Variants in NPHS1 observed in about 807,000 individuals in gnomAD.
NPHS1 encodes the protein nephrin.
A neutral mutation model predicts 139.7 loss-of-function variants in NPHS1; 107 were observed. The observed-to-expected ratio is 0.77, with a 90% CI of 0.66 to 0.90. The LOEUF is 0.90. Among genes scored for constraint, NPHS1 ranks in the 40% least tolerant of loss-of-function variants. The probability of loss-of-function intolerance (pLI) is 0.00; values close to 1 mark genes in which losing one functional copy is unlikely to be tolerated. For synonymous variants in NPHS1, 707 were observed against 706.6 expected, an observed-to-expected ratio of 1.00 and a Z score of -0.01; for missense variants, 1,580 against 1,654.2, an observed-to-expected ratio of 0.96 and a Z score of 0.78.
intron 20 of NPHS1, among the ~76,000 whole-genome samples, chr19:35,841,493 CT>C (rs1420937725): frequency 4.6e-5 from 7 of 152,298 alleles, no homozygotes; most frequent in African/African-American, 1.7e-4. Context: ...CAAGTACCCC[CT>C]CTCCATCTTT....
chr19:35,849,610 C>T lies in NPHS1; in HGVS notation c.652G>A (p.Glu218Lys). The change falls in exon 6 of 29, where the codon GAG becomes AAG. Residue 218 changes from glutamate to lysine, a missense_variant. Physicochemically the swap from Glu to Lys is moderately conservative, Grantham distance 56. Transcript: ENST00000378910. ...GCCTCCAGTGCTGGGCTAGACGCCT[C>T]ACAGACCAGCAACTGCCTATTATCT... ...SSDNRQLLVC[E>K]ASSPALEAPI... 6.2e-7 allele frequency: 1 copy of T among 1,614,134 alleles called. No homozygotes were observed. Among genetic ancestry groups the T allele is most frequent in the Non-Finnish European group, 8.5e-7 (1 of 1,180,010 alleles).
chr19:35,845,508 G>A lies in NPHS1; in HGVS notation c.1790C>T (p.Ala597Val), dbSNP rs548304892. 2 of 1,611,344 alleles carry A rather than the reference G, an allele frequency of 1.2e-6. No homozygotes were observed. Among genetic ancestry groups the A allele is most frequent in the Non-Finnish European group, 1.7e-6 (2 of 1,179,104 alleles). The change falls in exon 14 of 29, where the codon GCC becomes GTC. Residue 597 changes from alanine to valine, a missense_variant. Physicochemically the swap from Ala to Val is moderately conservative, Grantham distance 64. Coordinates refer to ENST00000378910, the MANE Select transcript of NPHS1 (RefSeq NM_004646.4). The surrounding 1 kb of genome is among the most constrained non-coding windows in gnomAD (Gnocchi z 5.5). ...LEGVAAPPRRAPFKGSAAARS... is the reference protein window; with the variant it reads ...LEGVAAPPRRVPFKGSAAARS... ...GGCGGCGGCGGAGCCTTTGAATGGG[G>A]CTCTCCGGGGTGGGGCGGCCACGCC...
rs150180768 is a variant in NPHS1 at position 35,851,821 on chromosome 19, G to A, written c.17C>T (p.Thr6Met). The A allele has an allele frequency of 2.7e-5, 42 of 1,552,062 alleles. No homozygotes were observed. The Admixed American group carries it at 2.7e-4, about 10-fold the overall frequency. ...CAGGAGCAGGAGAGAAGCCCTGAGC[G>A]TCGTCCCCAGGGCCATCACAGGTCC... MALGT[T>M]LRASLLLLGL... Residue 6 changes from threonine to methionine, a missense_variant, in exon 1 of 29, where the codon ACG becomes ATG. Thr to Met is a moderately conservative substitution (Grantham distance 81). Coordinates refer to ENST00000378910, the MANE Select transcript of NPHS1 (RefSeq NM_004646.4).
intron 6 of NPHS1, 57 bp downstream of exon 6, chr19:35,849,492 AC>A (rs1973197042): frequency 1.3e-6 from 2 of 1,591,836 alleles, no homozygotes; most frequent in Non-Finnish European, 8.6e-7. Flanking sequence ...ATCCCCCCAC[AC>A]CCCCCAGTGC....
At chr19:35,844,279 T>A in intron 15 of NPHS1, 36 bp from the exon 16 acceptor site, 1 of 1,613,684 alleles carries the variant, frequency 6.2e-7, no homozygotes, top group Admixed American at 1.7e-5. Context: ...TGGCAGGACC[T>A]CCCATCCCCG....
chr19:35,844,884 G>A (rs2146822774), intron 14 of NPHS1, among the ~76,000 whole-genome samples: 1 of 152,106 alleles, frequency 6.6e-6, no homozygotes, highest in African/African-American at 2.4e-5. Flanking sequence ...CAGCACTTTG[G>A]GAGGCCAAGG....
chr19:35,850,425 T>A lies in NPHS1; in HGVS notation c.547A>T (p.Ile183Phe). The A allele has an allele frequency of 6.2e-7, 1 of 1,614,048 alleles. No homozygotes were observed. Among genetic ancestry groups the A allele is most frequent in the Non-Finnish European group, 8.5e-7 (1 of 1,179,966 alleles). The change falls in exon 5 of 29, where the codon ATC becomes TTC. Residue 183 changes from isoleucine to phenylalanine, a missense_variant. Coordinates refer to ENST00000378910, the MANE Select transcript of NPHS1 (RefSeq NM_004646.4). ...ILLSGQTISDISANVNEGSQQ... is the reference protein window; with the variant it reads ...ILLSGQTISDFSANVNEGSQQ... ...GAGCCCTCGTTCACGTTTGCAGAGA[T>A]GTCAGATATTGTCTGTCCACCTTGG... is the stretch of plus-strand genomic sequence containing the variant.
In NPHS1 at chr19:35,845,091, G is replaced by C. The variant is rs1229843303; in HGVS notation, c.1930+277C>G. Among the ~76,000 whole-genome samples the C allele has an allele frequency of 2.0e-5, 3 of 152,190 alleles. No individual in the cohort carries two copies. Among genetic ancestry groups the C allele is most frequent in the South Asian group, 2.1e-4 (1 of 4,834 alleles). ...AAGACCAGCCTGGGCAACATAGTGA[G>C]ACCCCGTTGCTACAAAAAGTAAAAA... On this transcript the variant is annotated intron_variant, in intron 14 of 28. Transcript: ENST00000378910. The surrounding 1 kb of genome is among the most constrained non-coding windows in gnomAD (Gnocchi z 5.5).
rs1387669053 is a variant in NPHS1 at position 35,848,380 on chromosome 19, G to A, written c.1188C>T (p.His396=). Reference sequence around the variant, plus strand: ...GGAATGTCAGGTTGGACATGGAGATGTGACCGCCATGCAGTCCCTGGCAGG... The same window carrying A: ...GGAATGTCAGGTTGGACATGGAGATATGACCGCCATGCAGTCCCTGGCAGG... ...ETVMDGLHGG[H]ISMSNLTFLA... is the part of the protein sequence containing the mutation. The change falls in exon 10 of 29, where the codon CAC becomes CAT. Residue 396 remains histidine, a synonymous_variant. Coordinates refer to ENST00000378910, the MANE Select transcript of NPHS1 (RefSeq NM_004646.4). 1.9e-6 allele frequency: 3 copies of A among 1,614,174 alleles called. No individual in the cohort carries two copies. Among genetic ancestry groups the A allele is most frequent in the South Asian group, 2.2e-5 (2 of 91,086 alleles).
rs770291189 is a variant in NPHS1, at chr19:35,851,643, C to T, written c.88G>A (p.Val30Ile). Residue 30 changes from valine to isoleucine, a missense_variant, in exon 2 of 29, where the codon GTT becomes ATT. Val to Ile is a conservative substitution (Grantham distance 29). Transcript: ENST00000378910. ...GGCAGGGCCCAGAAGCCCCGGGGAACGGAGGCAGGAATCGCCAACTGCGCC... is the reference window on the plus strand; with the variant it reads ...GGCAGGGCCCAGAAGCCCCGGGGAATGGAGGCAGGAATCGCCAACTGCGCC... ...GLAQLAIPAS[V>I]PRGFWALPEN... is the part of the protein sequence containing the mutation. 1.6e-5 allele frequency: 26 copies of T among 1,613,652 alleles called. No homozygotes were observed. Among genetic ancestry groups the T allele is most frequent in the South Asian group, 4.4e-5 (4 of 90,992 alleles).
chr19:35,837,649 C>A (rs1292890903), intron 22 of NPHS1, among the ~76,000 whole-genome samples: 2 of 151,838 alleles, frequency 1.3e-5, no homozygotes, highest in Non-Finnish European at 2.9e-5. Context: ...GTTGCCCAGG[C>A]TGGAGTACAA....
In NPHS1 at chr19:35,848,996, C is replaced by T. The variant is rs1973187400; in HGVS notation, c.992G>A (p.Gly331Asp). 10 of 1,611,952 alleles carry T rather than the reference C, an allele frequency of 6.2e-6. No individual in the cohort carries two copies. The highest frequency in any genetic ancestry group is 7.6e-6 in the Non-Finnish European group (9 of 1,180,034). ...NSVSAGTQEH[G>D]ITLQVTFPPS... ...CTCACAGGTGACCTGCAGTGTGATG[C>T]CGTGCTCCTGGGTCCCTGCAGACAC... Residue 331 changes from glycine (G) to aspartate (D), a missense_variant, in exon 8 of 29, where the codon GGC becomes GAC. Coordinates refer to ENST00000378910, the MANE Select transcript of NPHS1 (RefSeq NM_004646.4).
At chr19:35,826,689 G>A (rs1972805170) in intron 28 of NPHS1, 44 bp from the exon 29 acceptor site, 1 of 1,611,682 alleles carries the variant, frequency 6.2e-7, no homozygotes, top group African/African-American at 1.3e-5. Context: ...GAGATGCCCT[G>A]TAGGTCTTCA....
chr19:35,840,301 G>A (rs1279519069), intron 20 of NPHS1, among the ~76,000 whole-genome samples: 6 of 151,244 alleles, frequency 4.0e-5, no homozygotes, highest in Admixed American at 1.3e-4. Flanking sequence ...CACCGCGCCT[G>A]GCATGGTTAG....
At position 35,849,154 on chromosome 19, in the gene NPHS1, A is replaced by T; in HGVS notation, c.841-7T>A. ...TGGACACCGGCTGGCCATTCTGGAG[A>T]CAGGGACAGGCCTGGGCCAGCTCAG... is the stretch of plus-strand genomic sequence containing the variant. On this transcript the variant is annotated splice_region_variant and splice_polypyrimidine_tract_variant and intron_variant, in intron 7 of 28. Transcript: ENST00000378910. The T allele has an allele frequency of 1.2e-6, 2 of 1,611,282 alleles. No homozygotes were observed. Among genetic ancestry groups the T allele is most frequent in the Non-Finnish European group, 1.7e-6 (2 of 1,180,004 alleles).
Position 35,848,420 on chromosome 19 carries a change from C to T in NPHS1, c.1171-23G>A, listed in dbSNP as rs773004829. The stretch of plus-strand genomic sequence containing the variant: ...TCCCTGGCAGGGAGTGAGCTTCAGA[C>T]GTGGGGACTGCAGCACCCCTATCCA... On this transcript the variant is annotated intron_variant, in intron 9 of 28. Coordinates refer to ENST00000378910, the MANE Select transcript of NPHS1 (RefSeq NM_004646.4). 1.4e-5 allele frequency: 23 copies of T among 1,613,954 alleles called. 1 individual carries two copies. Among genetic ancestry groups the T allele is most frequent in the Admixed American group, 1.0e-4 (6 of 59,984 alleles).
chr19:35,841,400 C>A (rs889110943), intron 20 of NPHS1, among the ~76,000 whole-genome samples: 2 of 151,158 alleles, frequency 1.3e-5, no homozygotes, highest in African/African-American at 2.5e-5. Context: ...ACAACAACAA[C>A]AAAAAGAATG....
intron 23 of NPHS1, among the ~76,000 whole-genome samples, chr19:35,833,412 C>T (rs544532886): frequency 9.2e-5 from 14 of 152,232 alleles, no homozygotes; most frequent in East Asian, 3.9e-4. Context: ...GCACATGGCC[C>T]GGCCTGGAAA....
chr19:35,830,781 G>T, intron 28 of NPHS1, 63 bp downstream of exon 28: 2 of 1,013,886 alleles, frequency 2.0e-6, no homozygotes, highest in Non-Finnish European at 3.2e-6. Flanking sequence ...ACTAATACAA[G>T]CAATAGGAGG....
Sources: allele counts gnomAD v4.1 joint callset (sites outside exome capture counted in the v4.1 genomes callset), GRCh38; gene constraint gnomAD v4.1.1; non-coding constraint Gnocchi (gnomAD v3.1); transcripts MANE v1.5; gene names NCBI Gene and HGNC (gene_info 2026-07-23, HGNC 2026-07-21).